Variants in METTL25 observed in about 807,000 individuals in gnomAD.
METTL25 encodes the protein methyltransferase like 25, also known as probable methyltransferase-like protein 25.
Under a neutral mutation model 71.6 loss-of-function variants are expected in METTL25, and 64 were observed. The observed-to-expected ratio is 0.89, with a 90% CI of 0.73 to 1.10. METTL25 has a LOEUF of 1.10. Ranked by LOEUF, METTL25 falls within the 50% of genes least tolerant of loss-of-function variation. The pLI is 0.00. For missense variants in METTL25, 807 were observed against 707.0 expected (o/e 1.14, Z -1.60); for synonymous variants, 287 against 250.3 (o/e 1.15, Z -1.38).
intron 3 of METTL25, among the ~76,000 whole-genome samples, chr12:82,392,294 C>T (rs1885667001): frequency 6.8e-6 from 1 of 147,210 alleles, no homozygotes; most frequent in African/African-American, 2.5e-5. Flanking sequence ...TGTGATGTTC[C>T]CCTTCCTGTG....
chr12:82,383,580 C>T (rs991052729), intron 1 of METTL25, among the ~76,000 whole-genome samples: 2 of 152,062 alleles, frequency 1.3e-5, no homozygotes, highest in African/African-American at 4.8e-5. Flanking sequence ...GTGCCTGGCA[C>T]ATAGTATACA....
intron 7 of METTL25, among the ~76,000 whole-genome samples, chr12:82,434,990 A>G (rs1330712834): frequency 1.3e-5 from 2 of 151,542 alleles, no homozygotes; most frequent in Non-Finnish European, 1.5e-5. Context: ...ATATTTCTGA[A>G]GAATGCTGTT....
intron 1 of METTL25, among the ~76,000 whole-genome samples, chr12:82,377,319 T>C (rs935141559): frequency 5.3e-5 from 8 of 152,192 alleles, no homozygotes; most frequent in Non-Finnish European, 8.8e-5. Flanking sequence ...ACAATAAGCT[T>C]GCCTTTATTA....
intron 1 of METTL25, among the ~76,000 whole-genome samples, chr12:82,375,499 A>G (rs771886091): frequency 5.3e-5 from 8 of 152,192 alleles, no homozygotes; most frequent in Non-Finnish European, 1.0e-4. Flanking sequence ...GTATTTTGTT[A>G]TAGCAGGAAA....
At chr12:82,374,291 A>T (rs1458569664) in intron 1 of METTL25, 1 of 152,302 alleles carries the variant, frequency 6.6e-6, no homozygotes, top group Non-Finnish European at 1.5e-5. Flanking sequence ...CTTCCACAGC[A>T]TGGAAGGGGA....
intron 5 of METTL25, among the ~76,000 whole-genome samples, chr12:82,405,839 C>A (rs531330150): frequency 6.6e-6 from 1 of 152,140 alleles, no homozygotes; most frequent in Non-Finnish European, 1.5e-5. Context: ...TAAGCACATT[C>A]ACTCAAACGT....
chr12:82,379,906 C>T (rs1884258546), intron 1 of METTL25, among the ~76,000 whole-genome samples: 1 of 152,148 alleles, frequency 6.6e-6, no homozygotes, highest in Non-Finnish European at 1.5e-5. Context: ...CCCAAATCTC[C>T]TTTCTCCCAG....
chr12:82,390,003 C>T (rs1339254821), intron 3 of METTL25, 81 bp downstream of exon 3: 3 of 754,476 alleles, frequency 4.0e-6, no homozygotes, highest in East Asian at 2.7e-5. Flanking sequence ...TTTTTACTGT[C>T]AGCTAGCCTT....
At chr12:82,439,248 A>G (rs892881803) in intron 8 of METTL25, among the ~76,000 whole-genome samples, 21 of 151,722 alleles carry the variant, frequency 1.4e-4, no homozygotes, top group Admixed American at 5.9e-4. Context: ...CTCTGCTAGT[A>G]GAATACTAGC....
intron 3 of METTL25, among the ~76,000 whole-genome samples, chr12:82,392,736 A>G (rs1885711804): frequency 6.6e-6 from 1 of 151,908 alleles, no homozygotes; most frequent in African/African-American, 2.4e-5. Context: ...GTGTTTCCCC[A>G]ATGTTTTCTT....
intron 8 of METTL25, among the ~76,000 whole-genome samples, chr12:82,442,295 G>T (rs1890410368): frequency 6.6e-6 from 1 of 152,120 alleles, no homozygotes; most frequent in Admixed American, 6.6e-5. Flanking sequence ...GTTTGTAGCA[G>T]CTTTATTCCT....
In METTL25 at chr12:82,477,312, C is replaced by G. The variant is rs1221386839; in HGVS notation, c.1679C>G (p.Thr560Ser). 2 of 1,574,444 alleles carry G rather than the reference C, an allele frequency of 1.3e-6. No homozygotes were observed. Among genetic ancestry groups the G allele is most frequent in the Non-Finnish European group, 1.7e-6 (2 of 1,160,750 alleles). The change falls in exon 11 of 12, where the codon ACT becomes AGT. Residue 560 changes from threonine to serine, a missense_variant. Coordinates refer to ENST00000248306, the MANE Select transcript of METTL25 (RefSeq NM_032230.3). ...GTTGTACTGGCTCCCTGTATAGAGA[C>G]TTTGATTCTTCTGGATCGACTTTGT... Reference protein sequence around the residue: ...LKVVLAPCIETLILLDRLCYL... With the variant: ...LKVVLAPCIESLILLDRLCYL...
At chr12:82,378,742 A>G (rs78962898) in intron 1 of METTL25, among the ~76,000 whole-genome samples, 8,823 of 152,284 alleles carry the variant, frequency 0.058, 353 homozygotes, top group African/African-American at 0.11. Flanking sequence ...TAATAAACAA[A>G]CTGGCCAGGT....
At chr12:82,464,015 A>G (rs2137279937) in intron 9 of METTL25, among the ~76,000 whole-genome samples, 1 of 151,808 alleles carries the variant, frequency 6.6e-6, no homozygotes, top group South Asian at 2.1e-4. Context: ...ATTAATTCCC[A>G]GTTGGATGAA....
intron 1 of METTL25, among the ~76,000 whole-genome samples, chr12:82,375,804 A>C (rs186506444): frequency 6.6e-6 from 1 of 152,352 alleles, no homozygotes; most frequent in Non-Finnish European, 1.5e-5. Context: ...AGAATTAAGA[A>C]TAGATCAGTG....
At chr12:82,375,972 A>T (rs1883814819) in intron 1 of METTL25, among the ~76,000 whole-genome samples, 4 of 152,208 alleles carry the variant, frequency 2.6e-5, no homozygotes, top group Admixed American at 2.6e-4. Flanking sequence ...AATAAGGAGG[A>T]TAACAGATAT....
chr12:82,418,373 G>A (rs568056001), intron 5 of METTL25, among the ~76,000 whole-genome samples: 1 of 152,118 alleles, frequency 6.6e-6, no homozygotes, highest in African/African-American at 2.4e-5. Context: ...TAAAGGTGTA[G>A]TACTAAATCA....
chr12:82,381,582 T>C (rs541998832), intron 1 of METTL25, among the ~76,000 whole-genome samples: 1 of 152,366 alleles, frequency 6.6e-6, no homozygotes, highest in African/African-American at 2.4e-5. Flanking sequence ...AGCGATAGTA[T>C]ATATTCTATT....
chr12:82,441,426 C>G (rs1890317091), intron 8 of METTL25, among the ~76,000 whole-genome samples: 1 of 151,784 alleles, frequency 6.6e-6, no homozygotes, highest in African/African-American at 2.4e-5. Context: ...CAGAGAAAGG[C>G]TTAAAATAAC....
Sources: allele counts gnomAD v4.1 joint callset (sites outside exome capture counted in the v4.1 genomes callset), GRCh38; gene constraint gnomAD v4.1.1; transcripts MANE v1.5; gene names NCBI Gene and HGNC (gene_info 2026-07-23, HGNC 2026-07-21).